GALNT17: variants seen among roughly 807,000 people sequenced by gnomAD.
GALNT17 encodes the protein UDP-GalNAc:polypeptide N-acetylgalactosaminyltransferase-like 3.
A neutral mutation model predicts 63.7 loss-of-function variants in GALNT17; 29 were observed. The ratio of observed to expected loss-of-function variants is 0.46; its 90% confidence interval spans 0.34 to 0.62. The LOEUF (loss-of-function observed/expected upper bound fraction) is 0.62. Ranked by LOEUF, GALNT17 falls within the 20% of genes least tolerant of loss-of-function variation. GALNT17 has a pLI of 0.01. For synonymous variants in GALNT17, 305 were observed against 318.3 expected (o/e 0.96, Z 0.45); for missense variants, 603 against 799.6 (o/e 0.75, Z 2.97).
intron 1 of GALNT17, among the ~76,000 whole-genome samples, chr7:71,240,208 G>A (rs1246847106): frequency 1.3e-5 from 2 of 152,168 alleles, no homozygotes; most frequent in African/African-American, 2.4e-5. Flanking sequence ...AGCCGAGACC[G>A]GAGAATTGTC....
chr7:71,469,480 C>T (rs1044000834), intron 5 of GALNT17, among the ~76,000 whole-genome samples: 3 of 152,192 alleles, frequency 2.0e-5, no homozygotes, highest in African/African-American at 7.2e-5. Context: ...GACTCTGTCG[C>T]AGCTGCATTG....
chr7:71,427,322 T>A (rs2116474247), intron 5 of GALNT17, among the ~76,000 whole-genome samples: 1 of 152,112 alleles, frequency 6.6e-6, no homozygotes, highest in East Asian at 1.9e-4. Context: ...GGTCTCAATC[T>A]CCTGACCTCG....
intron 2 of GALNT17, among the ~76,000 whole-genome samples, chr7:71,357,750 T>C (rs921124342): frequency 2.6e-5 from 4 of 152,184 alleles, no homozygotes; most frequent in Non-Finnish European, 4.4e-5. Context: ...TGAAGCCTGC[T>C]GGACTTACTG....
At chr7:71,560,126 G>A (rs1468155035) in intron 5 of GALNT17, among the ~76,000 whole-genome samples, 8 of 150,128 alleles carry the variant, frequency 5.3e-5, no homozygotes, top group East Asian at 2.0e-4. Context: ...TCCGGGAGGC[G>A]GAGGTTGCAG....
chr7:71,140,928 G>T (rs902948151), intron 1 of GALNT17, among the ~76,000 whole-genome samples: 1 of 152,164 alleles, frequency 6.6e-6, no homozygotes. Flanking sequence ...GGCTGAGGTG[G>T]GAGGAACGCT....
At chr7:71,538,467 G>A (rs1426166653) in intron 5 of GALNT17, among the ~76,000 whole-genome samples, 3 of 152,172 alleles carry the variant, frequency 2.0e-5, no homozygotes, top group Admixed American at 6.5e-5. Flanking sequence ...CCGACGGGAC[G>A]CGACAGATTA....
chr7:71,167,136 C>A (rs191832934), intron 1 of GALNT17, among the ~76,000 whole-genome samples: 163 of 150,758 alleles, frequency 1.1e-3, no homozygotes, highest in African/African-American at 3.8e-3. Flanking sequence ...ATTACCTCTC[C>A]TTGGCTTCCC....
At chr7:71,688,990 C>G (rs1038172361) in intron 9 of GALNT17, among the ~76,000 whole-genome samples, 3 of 152,086 alleles carry the variant, frequency 2.0e-5, no homozygotes, top group Admixed American at 6.6e-5. Context: ...GTAATTCTTG[C>G]AATATTTCAA....
At chr7:71,543,817 G>A (rs1788934127) in intron 5 of GALNT17, among the ~76,000 whole-genome samples, 2 of 137,286 alleles carry the variant, frequency 1.5e-5, no homozygotes. Context: ...TTTTGAGATG[G>A]AGTCTTGTTC....
intron 1 of GALNT17, among the ~76,000 whole-genome samples, chr7:71,147,819 G>C (rs1009370754): frequency 2.6e-5 from 4 of 152,006 alleles, no homozygotes; most frequent in Non-Finnish European, 4.4e-5. Context: ...TTTTAGTAGA[G>C]ATGAGGTTTC....
At chr7:71,249,455 TTA>T (rs1790158111) in intron 1 of GALNT17, among the ~76,000 whole-genome samples, 1 of 152,164 alleles carries the variant, frequency 6.6e-6, no homozygotes, top group Non-Finnish European at 1.5e-5. Context: ...TAATTATAAA[TTA>T]TATGTGTGGA....
At chr7:71,364,379 C>CA in intron 2 of GALNT17, among the ~76,000 whole-genome samples, 1 of 152,084 alleles carries the variant, frequency 6.6e-6, no homozygotes, top group African/African-American at 2.4e-5. Flanking sequence ...TCGCTTCAGT[C>CA]CTGGTTTTCA....
chr7:71,555,411 C>A (rs1474799486), intron 5 of GALNT17, among the ~76,000 whole-genome samples: 2 of 150,294 alleles, frequency 1.3e-5, no homozygotes, highest in East Asian at 4.0e-4. Flanking sequence ...CCCAGGTGAT[C>A]CTAAAGTGAG....
chr7:71,440,815 T>TA (rs995331204), intron 5 of GALNT17, among the ~76,000 whole-genome samples: 1 of 152,196 alleles, frequency 6.6e-6, no homozygotes, highest in African/African-American at 2.4e-5. Flanking sequence ...TTTGTTTACC[T>TA]AGTCTCTCCA....
chr7:71,262,312 CATT>C (rs2115633151), intron 1 of GALNT17, among the ~76,000 whole-genome samples: 1 of 152,148 alleles, frequency 6.6e-6, no homozygotes, highest in Non-Finnish European at 1.5e-5. Context: ...GGCAGACTGT[CATT>C]ATGTTGTCCA....
intron 6 of GALNT17, among the ~76,000 whole-genome samples, chr7:71,647,834 G>T (rs779774363): frequency 1.3e-5 from 2 of 152,240 alleles, no homozygotes; most frequent in Non-Finnish European, 2.9e-5. Flanking sequence ...CCAGGCTGCA[G>T]TCCAGGTGTC....
chr7:71,160,706 G>A (rs1177798546), intron 1 of GALNT17, among the ~76,000 whole-genome samples: 2 of 152,144 alleles, frequency 1.3e-5, no homozygotes, highest in African/African-American at 2.4e-5. Flanking sequence ...TGATCTGCCT[G>A]CCTCGGCCCC....
At chr7:71,301,566 A>G (rs1278540034) in intron 1 of GALNT17, among the ~76,000 whole-genome samples, 1 of 151,712 alleles carries the variant, frequency 6.6e-6, no homozygotes, top group Non-Finnish European at 1.5e-5. Context: ...CTTTCAACTG[A>G]TGTATAATTT....
At chr7:71,431,421 G>A (rs919059057) in intron 5 of GALNT17, among the ~76,000 whole-genome samples, 3 of 151,866 alleles carry the variant, frequency 2.0e-5, no homozygotes, top group African/African-American at 7.3e-5. Context: ...TGTTGGTCAG[G>A]TTGGTCTCAA....
Sources: gnomAD v4.1 joint callset for allele counts (sites outside exome capture counted in the v4.1 genomes callset) on GRCh38, gnomAD v4.1.1 for gene constraint, MANE v1.5 for transcripts, NCBI Gene and HGNC (gene_info 2026-07-23, HGNC 2026-07-21) for gene names.